Variants in STPG2 observed in about 807,000 individuals in gnomAD.
STPG2 encodes the protein sperm-tail PG-rich repeat-containing protein 2.
STPG2 carries 56 observed loss-of-function variants against 54.2 expected under a neutral mutation model. The observed-to-expected ratio is 1.03, with a 90% confidence interval of 0.83 to 1.29. STPG2 has a LOEUF of 1.29. STPG2 is among the 50% of genes most tolerant of loss of function. The pLI, the probability that STPG2 is intolerant of heterozygous loss-of-function variation, is 0.00. For synonymous variants in STPG2, 200 were observed against 181.8 expected (o/e 1.10, Z -0.81); for missense variants, 596 against 544.9 (o/e 1.09, Z -0.93).
Position 97,972,448 on chromosome 4 carries a change from T to C in STPG2, c.773-8A>G, listed in dbSNP as rs984177469. 8 of 1,453,022 alleles carry C rather than the reference T, an allele frequency of 5.5e-6. No homozygotes were observed. The African/African-American group carries it at 1.2e-4, about 21-fold the overall frequency. The allele number at this position is 1,453,022 out of a possible 1,614,324, so 90.0% of individuals were successfully genotyped here. ...CATTATAAAATCCAGGACCTAAAATTATTAGAAGTATCATATATAAGAATA... is the reference window on the plus strand; with the variant it reads ...CATTATAAAATCCAGGACCTAAAATCATTAGAAGTATCATATATAAGAATA... On this transcript the variant is annotated splice_region_variant and splice_polypyrimidine_tract_variant and intron_variant, in intron 6 of 10. Transcript: ENST00000295268.
chr4:97,701,087 AG>A (rs1347730841), intron 10 of STPG2, among the ~76,000 whole-genome samples: 2 of 152,150 alleles, frequency 1.3e-5, no homozygotes, highest in African/African-American at 4.8e-5. Context: ...CAATCCCTCC[AG>A]GGATGCAATA....
chr4:97,901,180 T>G (rs1731162834), intron 8 of STPG2, among the ~76,000 whole-genome samples: 1 of 151,878 alleles, frequency 6.6e-6, no homozygotes. Flanking sequence ...AACTACAGAA[T>G]GTACCTCAAA....
chr4:97,508,537 T>C (rs1730902509), intron 4 of STPG2, among the ~76,000 whole-genome samples: 1 of 152,098 alleles, frequency 6.6e-6, no homozygotes, highest in Non-Finnish European at 1.5e-5. Context: ...GCAAATTAGA[T>C]AACATTTTGG....
At chr4:98,070,543 A>T (rs1737970093) in intron 5 of STPG2, among the ~76,000 whole-genome samples, 1 of 141,164 alleles carries the variant, frequency 7.1e-6, no homozygotes, top group South Asian at 2.2e-4. Context: ...AAAGAAATAA[A>T]GGGTATTCAA....
At chr4:98,086,509 T>G (rs1738517441) in intron 5 of STPG2, among the ~76,000 whole-genome samples, 1 of 151,922 alleles carries the variant, frequency 6.6e-6, no homozygotes, top group Admixed American at 6.6e-5. Flanking sequence ...CAAAACAAAT[T>G]CATTTCATTT....
intron 3 of STPG2, among the ~76,000 whole-genome samples, chr4:98,120,905 A>G (rs980882689): frequency 6.6e-6 from 1 of 152,064 alleles, no homozygotes; most frequent in African/African-American, 2.4e-5. Flanking sequence ...CAGCTCTTTA[A>G]TTAGGTCCCA....
At chr4:97,838,256 T>C (rs1263556852) in intron 9 of STPG2, among the ~76,000 whole-genome samples, 1 of 151,444 alleles carries the variant, frequency 6.6e-6, no homozygotes, top group Non-Finnish European at 1.5e-5. Context: ...TCTTTTCTTA[T>C]TTTGTTACTA....
At chr4:97,519,687 AGAG>A (rs1310113767) in intron 4 of STPG2, among the ~76,000 whole-genome samples, 1 of 152,014 alleles carries the variant, frequency 6.6e-6, no homozygotes, top group African/African-American at 2.4e-5. Flanking sequence ...AGCTCTGAAT[AGAG>A]GATGTCATTT....
chr4:97,908,730 T>A (rs992991167), intron 8 of STPG2, among the ~76,000 whole-genome samples: 1 of 151,210 alleles, frequency 6.6e-6, no homozygotes, highest in Non-Finnish European at 1.5e-5. Context: ...ATGGATGAAA[T>A]TGGAAATCAT....
intron 8 of STPG2, among the ~76,000 whole-genome samples, chr4:97,938,888 C>T (rs115531712): frequency 1.5e-3 from 233 of 152,164 alleles, no homozygotes; most frequent in African/African-American, 5.5e-3. Context: ...ACCACCACTG[C>T]TTCTAGTAGG....
At chr4:97,486,912 A>C (rs956631982) in intron 4 of STPG2, among the ~76,000 whole-genome samples, 4 of 149,894 alleles carry the variant, frequency 2.7e-5, no homozygotes, top group African/African-American at 9.8e-5. Flanking sequence ...AATACTACTC[A>C]GCCATAAAAA....
intron 5 of STPG2, chr4:98,026,024 G>T: frequency 9.6e-7 from 1 of 1,037,064 alleles, no homozygotes; most frequent in South Asian, 1.4e-5. Context: ...CATGTAAGAT[G>T]AAGATAATTA....
intron 9 of STPG2, among the ~76,000 whole-genome samples, chr4:97,810,647 G>A (rs1045371252): frequency 6.6e-6 from 1 of 152,030 alleles, no homozygotes; most frequent in Admixed American, 6.6e-5. Context: ...CACAGCACAG[G>A]TTACTCAATA....
intron 4 of STPG2, among the ~76,000 whole-genome samples, chr4:97,532,822 A>C (rs182281890): frequency 2.6e-5 from 4 of 152,338 alleles, no homozygotes; most frequent in Non-Finnish European, 4.4e-5. Flanking sequence ...ATAACGTTAA[A>C]AATGAATGCT....
intron 4 of STPG2, among the ~76,000 whole-genome samples, chr4:97,487,778 A>G (rs1367030833): frequency 1.3e-5 from 2 of 151,524 alleles, no homozygotes; most frequent in African/African-American, 2.4e-5. Context: ...GCACTATTCC[A>G]TTAATGGTAC....
chr4:97,811,650 C>G (rs1444783612), intron 9 of STPG2, among the ~76,000 whole-genome samples: 1 of 150,798 alleles, frequency 6.6e-6, no homozygotes, highest in Non-Finnish European at 1.5e-5. Context: ...TGAATTTATA[C>G]TCATGTCCTA....
chr4:97,479,661 G>C (rs1364266917), intron 4 of STPG2, among the ~76,000 whole-genome samples: 1 of 151,818 alleles, frequency 6.6e-6, no homozygotes, highest in Non-Finnish European at 1.5e-5. Context: ...GAGTCTTTAG[G>C]AAGATTTTAG....
intron 4 of STPG2, among the ~76,000 whole-genome samples, chr4:97,461,953 C>A (rs1488943277): frequency 6.6e-6 from 1 of 151,894 alleles, no homozygotes; most frequent in African/African-American, 2.4e-5. Context: ...TATTGAATGT[C>A]ATTCAATATA....
intron 10 of STPG2, among the ~76,000 whole-genome samples, chr4:97,580,950 T>A (rs927618455): frequency 2.0e-5 from 3 of 151,960 alleles, no homozygotes; most frequent in Admixed American, 6.6e-5. Context: ...AAATTCAGGG[T>A]TTTTTAATCA....
Sources: allele counts gnomAD v4.1 joint callset (sites outside exome capture counted in the v4.1 genomes callset), GRCh38; gene constraint gnomAD v4.1.1; transcripts MANE v1.5; gene names NCBI Gene and HGNC (gene_info 2026-07-23, HGNC 2026-07-21).